Variants in CNOT6 observed in about 807,000 individuals in gnomAD.
CNOT6 encodes the protein carbon catabolite repression 4 protein.
In CNOT6, 12 loss-of-function variants were observed where a neutral mutation model predicts 61.2. The ratio of observed to expected loss-of-function variants is 0.20; its 90% CI spans 0.13 to 0.32. The LOEUF (loss-of-function observed/expected upper bound fraction) is 0.32, where lower values mean the gene tolerates loss of function less well. Ranked by LOEUF, CNOT6 falls within the 10% of genes least tolerant of loss-of-function variation. The pLI is 1.00. For synonymous variants in CNOT6, 225 were observed against 240.6 expected, an observed-to-expected ratio of 0.94 and a Z score of 0.60; for missense variants, 405 against 663.9, an observed-to-expected ratio of 0.61 and a Z score of 4.28.
chr5:180,533,603 A>AG (rs1758513904), intron 2 of CNOT6, among the ~76,000 whole-genome samples: 1 of 151,524 alleles, frequency 6.6e-6, no homozygotes, highest in Admixed American at 6.6e-5. Context: ...CCTTAGAGAT[A>AG]GGGGTCTCCC....
chr5:180,567,066 T>C (rs776054621), intron 7 of CNOT6, 22 bp from the exon 8 acceptor site: 1 of 1,586,056 alleles, frequency 6.3e-7, no homozygotes, highest in Non-Finnish European at 8.5e-7. Flanking sequence ...ATGAAATAAC[T>C]GTGCTGTTTA....
rs1245568888 is a variant in CNOT6, at chr5:180,494,772, G to A, written c.-3+9G>A. On this transcript the variant is annotated intron_variant, in intron 1 of 11. Coordinates refer to ENST00000261951, the MANE Select transcript of CNOT6 (RefSeq NM_001370472.1). ...GCGGCGCACCCCGAGAGGTGAGCGA[G>A]GCAGGCCGGAGGCCCGGTCGGGGCG... 2.0e-5 allele frequency: 3 copies of A among 152,214 alleles called. No individual in the cohort carries two copies. The highest frequency in any genetic ancestry group is 4.8e-5 in the African/African-American group (2 of 41,406). The allele number at this position is 152,214 out of a possible 1,614,324, so 9.4% of individuals were successfully genotyped here.
At chr5:180,503,922 C>T (rs1757010680) in intron 1 of CNOT6, among the ~76,000 whole-genome samples, 1 of 152,064 alleles carries the variant, frequency 6.6e-6, no homozygotes, top group African/African-American at 2.4e-5. Flanking sequence ...CTTCTTAACA[C>T]ACTCTCATGG....
chr5:180,523,434 A>C (rs1319771740), intron 1 of CNOT6, among the ~76,000 whole-genome samples: 1 of 147,958 alleles, frequency 6.8e-6, no homozygotes, highest in Non-Finnish European at 1.5e-5. Flanking sequence ...GGCACACTCA[A>C]ATGTTTGATT....
At chr5:180,511,299 G>A (rs1757380361) in intron 1 of CNOT6, among the ~76,000 whole-genome samples, 1 of 151,698 alleles carries the variant, frequency 6.6e-6, no homozygotes, top group Non-Finnish European at 1.5e-5. Context: ...GCAACATGGT[G>A]AAACCTTGTC....
intron 3 of CNOT6, among the ~76,000 whole-genome samples, chr5:180,552,409 AG>A (rs1759654944): frequency 6.6e-6 from 1 of 151,926 alleles, no homozygotes; most frequent in Middle Eastern, 3.4e-3. Flanking sequence ...TGGGAGGCCG[AG>A]GCGGGCGGAT....
chr5:180,565,657 C>T (rs930334259), intron 6 of CNOT6, among the ~76,000 whole-genome samples, 163 bp from the exon 7 acceptor site: 2 of 152,160 alleles, frequency 1.3e-5, no homozygotes, highest in Non-Finnish European at 1.5e-5. Context: ...TTGCATTATC[C>T]GTCTTTTATT....
At chr5:180,535,778 T>A (rs1758656168) in intron 2 of CNOT6, among the ~76,000 whole-genome samples, 1 of 152,202 alleles carries the variant, frequency 6.6e-6, no homozygotes, top group East Asian at 1.9e-4. Flanking sequence ...ACCAACAGTG[T>A]TCAAGCGTTC....
At chr5:180,496,490 A>G (rs989275657) in intron 1 of CNOT6, among the ~76,000 whole-genome samples, 15 of 152,206 alleles carry the variant, frequency 9.9e-5, no homozygotes, top group Admixed American at 2.6e-4. Context: ...GTTGGAAGTT[A>G]TTTCAGGTCA....
chr5:180,514,784 A>G (rs1297682862), intron 1 of CNOT6, among the ~76,000 whole-genome samples: 1 of 152,228 alleles, frequency 6.6e-6, no homozygotes, highest in East Asian at 1.9e-4. Context: ...ATGATTCTGT[A>G]AAGAAAACTT....
At chr5:180,568,700 A>G (rs916986654) in intron 9 of CNOT6, among the ~76,000 whole-genome samples, 1 of 152,216 alleles carries the variant, frequency 6.6e-6, no homozygotes, top group African/African-American at 2.4e-5. Context: ...CACTTGAGGA[A>G]CAGTTGGAAC....
intron 4 of CNOT6, among the ~76,000 whole-genome samples, chr5:180,553,685 C>G (rs1399058196): frequency 6.6e-6 from 1 of 152,020 alleles, no homozygotes; most frequent in Non-Finnish European, 1.5e-5. Context: ...CGGACCCAGC[C>G]CTTCTTTTCT....
At chr5:180,509,564 G>C (rs1757286182) in intron 1 of CNOT6, among the ~76,000 whole-genome samples, 1 of 151,624 alleles carries the variant, frequency 6.6e-6, no homozygotes, top group Non-Finnish European at 1.5e-5. Flanking sequence ...TTACAGGCAT[G>C]CGCCACCACA....
intron 2 of CNOT6, among the ~76,000 whole-genome samples, chr5:180,539,719 A>G (rs1315506992): frequency 6.6e-6 from 1 of 151,220 alleles, no homozygotes; most frequent in Non-Finnish European, 1.5e-5. Context: ...CCTCCCGAGT[A>G]GCTGGGACTA....
intron 1 of CNOT6, among the ~76,000 whole-genome samples, chr5:180,528,775 C>T (rs1017404763): frequency 6.6e-6 from 1 of 152,144 alleles, no homozygotes; most frequent in South Asian, 2.1e-4. Flanking sequence ...GCTTCTGTGT[C>T]CCCCACAGCT....
At chr5:180,570,517 T>C (rs1046758802) in intron 10 of CNOT6, among the ~76,000 whole-genome samples, 4 of 152,198 alleles carry the variant, frequency 2.6e-5, no homozygotes, top group African/African-American at 4.8e-5. Flanking sequence ...TGACAATTTC[T>C]CTACATGCTT....
chr5:180,551,880 T>G (rs112274667), intron 3 of CNOT6, among the ~76,000 whole-genome samples: 1 of 152,046 alleles, frequency 6.6e-6, no homozygotes, highest in Admixed American at 6.6e-5. Context: ...TTCTTTTTTT[T>G]TTTTTGGAGA....
At chr5:180,521,357 T>G (rs1003231655) in intron 1 of CNOT6, among the ~76,000 whole-genome samples, 9 of 152,220 alleles carry the variant, frequency 5.9e-5, no homozygotes, top group South Asian at 2.1e-4. Flanking sequence ...CTGCCTAGGT[T>G]ACAGTTGCCT....
intron 2 of CNOT6, among the ~76,000 whole-genome samples, chr5:180,539,173 CAAAAAAAAA>C (rs56032920): frequency 1.1e-5 from 1 of 93,252 alleles, no homozygotes; most frequent in African/African-American, 4.7e-5. Flanking sequence ...GACTCCATCT[CAAAAAAAAA>C]AAAAAAAAAG....
Sources: gnomAD v4.1 joint callset for allele counts (sites outside exome capture counted in the v4.1 genomes callset) on GRCh38, gnomAD v4.1.1 for gene constraint, MANE v1.5 for transcripts, NCBI Gene and HGNC (gene_info 2026-07-23, HGNC 2026-07-21) for gene names.